Variants in SCAPER observed in about 807,000 individuals in gnomAD.
The protein encoded by SCAPER is S phase cyclin A-associated protein in the endoplasmic reticulum.
In SCAPER, 98 loss-of-function variants were observed where a neutral mutation model predicts 182.2. The observed-to-expected ratio is 0.54, with a 90% CI of 0.46 to 0.64. The LOEUF (loss-of-function observed/expected upper bound fraction) is 0.64, where lower values mean the gene tolerates loss of function less well. Among genes scored for constraint, SCAPER ranks in the 30% least tolerant of loss-of-function variants. SCAPER has a pLI of 0.00. For missense variants in SCAPER, 1,432 were observed against 1,690.0 expected, an observed-to-expected ratio of 0.85 and a Z score of 2.68; for synonymous variants, 605 against 564.6, an observed-to-expected ratio of 1.07 and a Z score of -1.01.
intron 22 of SCAPER, among the ~76,000 whole-genome samples, chr15:76,613,017 A>G (rs1431112170): frequency 6.6e-6 from 1 of 152,232 alleles, no homozygotes; most frequent in Non-Finnish European, 1.5e-5. Flanking sequence ...ACCTGACTTC[A>G]AACTATACTA....
intron 1 of SCAPER, among the ~76,000 whole-genome samples, chr15:76,885,729 C>T (rs1298413396): frequency 6.6e-6 from 1 of 152,224 alleles, no homozygotes; most frequent in Non-Finnish European, 1.5e-5. Flanking sequence ...AAGCAATCCA[C>T]CCACCTCAGC....
intron 23 of SCAPER, among the ~76,000 whole-genome samples, chr15:76,556,219 T>G (rs2046184454): frequency 6.6e-6 from 1 of 152,056 alleles, no homozygotes; most frequent in Admixed American, 6.6e-5. Context: ...TCTTTGAAAC[T>G]AATGAGAACA....
intron 20 of SCAPER, among the ~76,000 whole-genome samples, chr15:76,699,313 G>C (rs1567836641): frequency 1.3e-5 from 2 of 152,132 alleles, no homozygotes; most frequent in African/African-American, 4.8e-5. Context: ...AATAGGAGTG[G>C]CGAGAGTGGG....
At chr15:76,707,779 T>A (rs541537101) in intron 17 of SCAPER, among the ~76,000 whole-genome samples, 1 of 152,174 alleles carries the variant, frequency 6.6e-6, no homozygotes, top group Non-Finnish European at 1.5e-5. Flanking sequence ...GAACACTCCA[T>A]CCAACAACAG....
intron 5 of SCAPER, among the ~76,000 whole-genome samples, chr15:76,833,865 T>C (rs2068716305): frequency 6.6e-6 from 1 of 152,204 alleles, no homozygotes; most frequent in African/African-American, 2.4e-5. Flanking sequence ...ATGACATAAG[T>C]TCTCAGAGAC....
At chr15:76,635,759 T>G (rs891497205) in intron 21 of SCAPER, among the ~76,000 whole-genome samples, 29 of 152,344 alleles carry the variant, frequency 1.9e-4, no homozygotes, top group African/African-American at 5.5e-4. Flanking sequence ...GTTGGGTGTG[T>G]TTATCACAAA....
rs2040846196 is a variant in SCAPER, at chr15:76,354,838, C to T, written c.3856-698G>A. On this transcript the variant is annotated intron_variant, in intron 29 of 31. Transcript: ENST00000563290. This position sits in a 1 kb window ranked among gnomAD's most constrained non-coding sequence, Gnocchi z 4.4. Reference sequence around the variant, plus strand: ...GAAATAGGGCAATGCAACGAATGGGCTTGCAGGGAAGCCCTCTTAATTTAC... The same window carrying T: ...GAAATAGGGCAATGCAACGAATGGGTTTGCAGGGAAGCCCTCTTAATTTAC... Among the ~76,000 whole-genome samples the T allele has an allele frequency of 6.6e-6, 1 of 152,162 alleles. No homozygotes were observed. Among genetic ancestry groups the T allele is most frequent in the African/African-American group, 2.4e-5 (1 of 41,444 alleles).
chr15:76,743,825 T>C (rs2061667683), intron 15 of SCAPER, among the ~76,000 whole-genome samples: 1 of 152,096 alleles, frequency 6.6e-6, no homozygotes, highest in African/African-American at 2.4e-5. Flanking sequence ...AGTGCCCCAA[T>C]AGCCAAAGCA....
chr15:76,784,037 C>A (rs562712930), intron 8 of SCAPER, among the ~76,000 whole-genome samples: 66 of 152,176 alleles, frequency 4.3e-4, no homozygotes, highest in Admixed American at 5.9e-4. Flanking sequence ...CTGGCCAGGG[C>A]AATCAGGCAA....
intron 20 of SCAPER, among the ~76,000 whole-genome samples, chr15:76,667,535 G>A (rs1330350392): frequency 7.0e-6 from 1 of 142,656 alleles, no homozygotes; most frequent in Non-Finnish European, 1.5e-5. Flanking sequence ...ATGTCTCCTC[G>A]AATTGCCTGA....
rs564020531 is a variant in SCAPER at position 76,504,488 on chromosome 15, C to T, written c.2954+371G>A. Among the ~76,000 whole-genome samples the T allele has an allele frequency of 2.0e-5, 3 of 152,322 alleles. No individual in the cohort carries two copies. In the South Asian group the frequency reaches 6.2e-4, roughly 32 times the overall value. On this transcript the variant is annotated intron_variant, in intron 24 of 31. Coordinates refer to ENST00000563290, the MANE Select transcript of SCAPER (RefSeq NM_020843.4). Reference sequence around the variant, plus strand: ...ACTTCTTGCAATTTCACAGCTCAGACTTTTGCTAATGTACTTACTCACCTC... The same window carrying T: ...ACTTCTTGCAATTTCACAGCTCAGATTTTTGCTAATGTACTTACTCACCTC...
At chr15:76,821,670 C>G (rs780048762) in intron 5 of SCAPER, among the ~76,000 whole-genome samples, 6 of 151,970 alleles carry the variant, frequency 3.9e-5, no homozygotes, top group African/African-American at 7.3e-5. Context: ...GTGGCTCACA[C>G]CCGTAATCAA....
At chr15:76,900,951 A>T (rs185898871) in intron 1 of SCAPER, among the ~76,000 whole-genome samples, 2 of 152,232 alleles carry the variant, frequency 1.3e-5, no homozygotes, top group African/African-American at 4.8e-5. Flanking sequence ...CTTTTCCAAC[A>T]TTTAAGAAAA....
At chr15:76,483,809 A>G (rs965057017) in intron 24 of SCAPER, among the ~76,000 whole-genome samples, 1 of 152,202 alleles carries the variant, frequency 6.6e-6, no homozygotes, top group Non-Finnish European at 1.5e-5. Flanking sequence ...TTATACACCT[A>G]TTAGGATGGC....
At chr15:76,589,141 T>C (rs530559137) in intron 22 of SCAPER, among the ~76,000 whole-genome samples, 2 of 152,262 alleles carry the variant, frequency 1.3e-5, no homozygotes, top group East Asian at 3.9e-4. Context: ...AAATGGACTC[T>C]GTGAGGGTCC....
chr15:76,374,442 T>A (rs866217356), intron 29 of SCAPER, among the ~76,000 whole-genome samples: 12 of 151,108 alleles, frequency 7.9e-5, no homozygotes, highest in African/African-American at 1.9e-4. Context: ...AGGCTTTTTT[T>A]AATCTTAGCT....
At chr15:76,416,468 G>A (rs1468028709) in intron 26 of SCAPER, among the ~76,000 whole-genome samples, 1 of 149,416 alleles carries the variant, frequency 6.7e-6, no homozygotes, top group Admixed American at 6.8e-5. Context: ...CAGCCTGGGT[G>A]GCAGAGCGAG....
intron 1 of SCAPER, among the ~76,000 whole-genome samples, chr15:76,899,549 A>G (rs2074636087): frequency 6.6e-6 from 1 of 152,084 alleles, no homozygotes; most frequent in Non-Finnish European, 1.5e-5. Flanking sequence ...TGGCCTCCCA[A>G]AGTGCTAAGA....
chr15:76,526,560 T>A (rs62030361), intron 23 of SCAPER, among the ~76,000 whole-genome samples: 10,371 of 152,254 alleles, frequency 0.068, 399 homozygotes, highest in Middle Eastern at 0.11. Flanking sequence ...GCCCCACAGT[T>A]TATACTCTAT....
Sources: gnomAD v4.1 joint callset for allele counts (sites outside exome capture counted in the v4.1 genomes callset) on GRCh38, gnomAD v4.1.1 for gene constraint, Gnocchi (gnomAD v3.1) non-coding constraint, MANE v1.5 for transcripts, NCBI Gene and HGNC (gene_info 2026-07-23, HGNC 2026-07-21) for gene names.